RNF103: variants seen among roughly 807,000 people sequenced by gnomAD.
RNF103 encodes the protein ring finger protein 103.
Under a neutral mutation model 66.2 loss-of-function variants are expected in RNF103, and 23 were observed. That is an observed-to-expected ratio of 0.35 (90% CI 0.25 to 0.49). RNF103 has a LOEUF of 0.49. RNF103 is among the 20% of genes least tolerant of loss of function. The pLI is 0.98. For missense variants in RNF103, 730 were observed against 814.7 expected, an observed-to-expected ratio of 0.90 and a Z score of 1.27; for synonymous variants, 297 against 289.9, an observed-to-expected ratio of 1.02 and a Z score of -0.25.
chr2:86,606,679 A>G (rs1458733082), intron 3 of RNF103, among the ~76,000 whole-genome samples: 2 of 150,882 alleles, frequency 1.3e-5, no homozygotes, highest in Non-Finnish European at 2.9e-5. Flanking sequence ...AAAAAAAAAA[A>G]AAAAAAAAGA....
chr2:86,616,155 T>C (rs922082242), intron 2 of RNF103, among the ~76,000 whole-genome samples: 32 of 152,352 alleles, frequency 2.1e-4, no homozygotes, highest in Non-Finnish European at 3.8e-4. Flanking sequence ...CAGTGCATTT[T>C]AAAATGCCCA....
chr2:86,622,253 T>C (rs192443264), intron 1 of RNF103, among the ~76,000 whole-genome samples: 315 of 152,332 alleles, frequency 2.1e-3, no homozygotes, highest in African/African-American at 7.2e-3. Flanking sequence ...GGGTATCTTA[T>C]TATTACTATC....
chr2:86,617,143 T>G (rs973561171), intron 2 of RNF103: 10 of 985,276 alleles, frequency 1.0e-5, no homozygotes, highest in Non-Finnish European at 1.2e-5. Flanking sequence ...GTTGCTACCT[T>G]GAAAACTAAA....
chr2:86,604,191 G>T lies in RNF103; in HGVS notation c.1710C>A (p.His570Gln). ...VLHNSPGTAS[H>Q]CDAEACSCAN... ...CACATGAACAAGCCTCAGCATCACAGTGACTTGCTGTTCCTGGAGAATTGT... is the reference window on the plus strand; with the variant it reads ...CACATGAACAAGCCTCAGCATCACATTGACTTGCTGTTCCTGGAGAATTGT... The change falls in exon 4 of 4, where the codon CAC becomes CAA. Residue 570 changes from histidine to glutamine, a missense_variant. Around this residue, in one of 3 missense-constraint regions of RNF103, gnomAD observed 355 missense variants for 351.9 expected, o/e 1.01. Transcript: ENST00000237455. The T allele has an allele frequency of 6.2e-7, 1 of 1,613,908 alleles. No homozygotes were observed.
At chr2:86,609,942 C>A (rs1170503236) in intron 3 of RNF103, among the ~76,000 whole-genome samples, 1 of 152,096 alleles carries the variant, frequency 6.6e-6, no homozygotes, top group African/African-American at 2.4e-5. Context: ...TATTCTCTGC[C>A]CACTTACACC....
intron 1 of RNF103, among the ~76,000 whole-genome samples, chr2:86,621,433 C>T (rs1205422693): frequency 6.6e-6 from 1 of 152,136 alleles, no homozygotes; most frequent in Non-Finnish European, 1.5e-5. Context: ...CCTAGTTACT[C>T]CACTTCTTCC....
chr2:86,612,562 A>G, intron 2 of RNF103: 1 of 220,072 alleles, frequency 4.5e-6, no homozygotes, highest in Non-Finnish European at 8.8e-6. Flanking sequence ...ATTCTCCACC[A>G]TGTGGCCTCT....
chr2:86,609,027 T>A (rs1184769665), intron 3 of RNF103, among the ~76,000 whole-genome samples: 1 of 152,214 alleles, frequency 6.6e-6, no homozygotes, highest in Admixed American at 6.5e-5. Flanking sequence ...AAACCTCATG[T>A]TGACATTTTC....
intron 3 of RNF103, among the ~76,000 whole-genome samples, chr2:86,610,028 A>G (rs1020563813): frequency 6.6e-6 from 1 of 152,220 alleles, no homozygotes. Context: ...CATCAAAAGA[A>G]AAGAAAAATG....
In RNF103 at chr2:86,603,852, G is replaced by T; in HGVS notation, c.2049C>A (p.Val683=). ...GACAAATTGCACATGGTTAAGATGG[G>T]ACATCATTTGACAAGGGCTGGTGTT... ...YAQHQPLSND[V]PS Residue 683 remains valine, a synonymous_variant, in exon 4 of 4, where the codon GTC becomes GTA. Coordinates refer to ENST00000237455, the MANE Select transcript of RNF103 (RefSeq NM_005667.4). 1 of 1,610,738 alleles carries T rather than the reference G, an allele frequency of 6.2e-7. No homozygotes were observed. Among genetic ancestry groups the T allele is most frequent in the Non-Finnish European group, 8.5e-7 (1 of 1,178,576 alleles).
intron 2 of RNF103, chr2:86,614,939 AAGG>A: frequency 1.0e-6 from 1 of 985,424 alleles, no homozygotes. Flanking sequence ...ACACTGCTCC[AAGG>A]AGTTTAGAGG....
At chr2:86,609,531 C>T (rs1216074871) in intron 3 of RNF103, among the ~76,000 whole-genome samples, 1 of 151,958 alleles carries the variant, frequency 6.6e-6, no homozygotes, top group African/African-American at 2.4e-5. Context: ...GGATTACAGG[C>T]ACCCGCCACC....
At chr2:86,615,540 T>TATATATATATA (rs1287982835) in intron 2 of RNF103, among the ~76,000 whole-genome samples, 19 of 126,910 alleles carry the variant, frequency 1.5e-4, no homozygotes, top group Admixed American at 3.1e-4. Flanking sequence ...ATATATATAA[T>TATATATATATA]ATATATACAC....
In RNF103 at chr2:86,623,071, A is replaced by AGGC; in HGVS notation, c.-188_-186dup. On this transcript the variant is annotated 5_prime_UTR_variant, in exon 1 of 4. Transcript: ENST00000237455. ...AGGTGACGGGATCCGCGCGGGCGCG[A>AGGC]GGCGGCGACGAGGGACGCAGAGACG... 1 of 1,284,040 alleles carries AGGC rather than the reference A, an allele frequency of 7.8e-7. No individual in the cohort carries two copies. Among genetic ancestry groups the AGGC allele is most frequent in the South Asian group, 2.2e-5 (1 of 45,858 alleles). 79.5% of individuals were successfully genotyped at this position (1,284,040 alleles called of 1,614,324 possible).
rs1050527543 is a variant in RNF103, at chr2:86,606,552, A to G, written c.483-1134T>C. Among the ~76,000 whole-genome samples the G allele has an allele frequency of 2.0e-4, 30 of 151,350 alleles. 1 individual carries two copies. The highest frequency in any genetic ancestry group is 9.2e-4 in the Admixed American group (14 of 15,156). ...GCAACGCGTGCCTGTAATCCCAGCTACTTGGGAGGCTGAGGCAGGAGAACC... is the reference window on the plus strand; with the variant it reads ...GCAACGCGTGCCTGTAATCCCAGCTGCTTGGGAGGCTGAGGCAGGAGAACC... On this transcript the variant is annotated intron_variant, in intron 3 of 3. Transcript: ENST00000237455.
rs139047742 is a variant in RNF103 at position 86,622,698 on chromosome 2, G to C, written c.189C>G (p.Pro63=). Residue 63 remains proline (P), a synonymous_variant, in exon 1 of 4, where the codon CCC becomes CCG. Transcript: ENST00000237455. ...CCAGCTCCCGGACATCCTTCTTCTCGGGCAACCCTGAGTAGCCCAACCCCC... is the reference window on the plus strand; with the variant it reads ...CCAGCTCCCGGACATCCTTCTTCTCCGGCAACCCTGAGTAGCCCAACCCCC... The part of the protein sequence containing the change: ...ECRGLGYSGL[P]EKKDVRELVE... 7.4e-6 allele frequency: 12 copies of C among 1,613,908 alleles called. No individual in the cohort carries two copies. Among genetic ancestry groups the C allele is most frequent in the Non-Finnish European group, 9.3e-6 (11 of 1,180,010 alleles).
chr2:86,617,125 A>G, intron 2 of RNF103: 2 of 985,130 alleles, frequency 2.0e-6, no homozygotes, highest in Non-Finnish European at 2.4e-6. Context: ...TAAAGATGTC[A>G]TATGTATGTT....
chr2:86,612,507 A>C, intron 2 of RNF103: 1 of 359,032 alleles, frequency 2.8e-6, no homozygotes, highest in South Asian at 5.1e-5. Flanking sequence ...TGTGGCAGTT[A>C]CAAAGAGAGG....
intron 3 of RNF103, among the ~76,000 whole-genome samples, chr2:86,606,261 G>A (rs1678541396): frequency 6.6e-6 from 1 of 152,136 alleles, no homozygotes; most frequent in African/African-American, 2.4e-5. Flanking sequence ...TATGCAGTAG[G>A]ATCATGACTC....
Sources: gnomAD v4.1 joint callset for allele counts (sites outside exome capture counted in the v4.1 genomes callset) on GRCh38, gnomAD v4.1.1 for gene constraint, gnomAD v4.1.1 regional missense constraint, MANE v1.5 for transcripts, NCBI Gene and HGNC (gene_info 2026-07-23, HGNC 2026-07-21) for gene names.